The following MMP26 variants were observed in gnomAD, a reference collection of about 807,000 sequenced individuals.
MMP26 encodes matrix metalloproteinase-26.
Under a neutral mutation model 31.0 loss-of-function variants are expected in MMP26, and 33 were observed. The observed-to-expected ratio is 1.06, with a 90% confidence interval of 0.81 to 1.42. The LOEUF (loss-of-function observed/expected upper bound fraction) is 1.42. Among genes scored for constraint, MMP26 ranks in the 40% most tolerant of loss-of-function variants. The probability of loss-of-function intolerance (pLI) is 0.00; values close to 1 mark genes in which losing one functional copy is unlikely to be tolerated. For synonymous variants in MMP26, 122 were observed against 114.9 expected (o/e 1.06, Z -0.40); for missense variants, 347 against 316.1 (o/e 1.10, Z -0.74).
chr11:4,986,922 T>TCTCTCTCC lies in MMP26; in HGVS notation c.-144-1139_-144-1138insCCTCTCTC, dbSNP rs1846901154. On this transcript the variant is annotated intron_variant, in intron 2 of 7. Coordinates refer to ENST00000380390, the MANE Select transcript of MMP26 (RefSeq NM_021801.5). ...TCCTTCCTTTCTCTCTCTCTCTCTC[T>TCTCTCTCC]CTCTCTCTCCCTCTCTCTCTCTCTC... 1.1e-4 allele frequency among the ~76,000 whole-genome samples: 12 copies of TCTCTCTCC among 109,766 alleles called. 1 individual carries two copies. The highest frequency in any genetic ancestry group is 3.7e-4 in the African/African-American group (11 of 29,352). The allele number at this position is 109,766 out of a possible 152,430, so 72.0% of individuals were successfully genotyped here.
At chr11:4,922,188 G>A (rs1468704513) in intron 2 of MMP26, among the ~76,000 whole-genome samples, 1 of 152,114 alleles carries the variant, frequency 6.6e-6, no homozygotes, top group Non-Finnish European at 1.5e-5. Flanking sequence ...TTTTAGTGTA[G>A]GTAACTTGCT....
chr11:4,837,665 T>C (rs1267204539), intron 2 of MMP26, among the ~76,000 whole-genome samples: 1 of 152,164 alleles, frequency 6.6e-6, no homozygotes, highest in East Asian at 1.9e-4. Flanking sequence ...AATTCTAACT[T>C]ATTTTAAAGT....
chr11:4,911,869 T>C (rs193193339), intron 2 of MMP26, among the ~76,000 whole-genome samples: 1 of 152,324 alleles, frequency 6.6e-6, no homozygotes, highest in African/African-American at 2.4e-5. Flanking sequence ...ACAGGTTTTG[T>C]TATCCTTTTG....
In MMP26 at chr11:4,879,661, C is replaced by T. The variant is rs529865254; in HGVS notation, c.-144-108407C>T. ...ACTCATAAGGTTGATTAAGACAATG[C>T]GTTTGAAAGATATAGTTTCTGAAGC... On this transcript the variant is annotated intron_variant, in intron 2 of 7. Coordinates refer to ENST00000380390, the MANE Select transcript of MMP26 (RefSeq NM_021801.5). Among the ~76,000 whole-genome samples the T allele has an allele frequency of 9.9e-5, 15 of 152,124 alleles. No individual in the cohort carries two copies. The East Asian group carries it at 1.2e-3, about 12-fold the overall frequency.
At position 4,987,241 on chromosome 11, in the gene MMP26, T is replaced by A. The variant is rs1367566356; in HGVS notation, c.-144-827T>A. ...TTTTGCTGTGAGATATATATGTATA[T>A]GTATCTATACATATACATAAACATG... On this transcript the variant is annotated intron_variant, in intron 2 of 7. Transcript: ENST00000380390. Among the ~76,000 whole-genome samples the A allele has an allele frequency of 2.0e-5, 3 of 152,004 alleles. No individual in the cohort carries two copies. The East Asian group carries it at 5.8e-4, about 29-fold the overall frequency.
intron 2 of MMP26, among the ~76,000 whole-genome samples, chr11:4,926,130 C>T (rs571459252): frequency 2.6e-5 from 4 of 152,054 alleles, no homozygotes; most frequent in African/African-American, 7.2e-5. Flanking sequence ...TAGCTTTTGC[C>T]ACTCACATTT....
At chr11:4,848,163 C>T (rs1849901662) in intron 2 of MMP26, 3 of 1,458,346 alleles carry the variant, frequency 2.1e-6, no homozygotes, top group African/African-American at 2.8e-5. Flanking sequence ...TCATTTCATG[C>T]TTGGTGAGCT....
intron 1 of MMP26, among the ~76,000 whole-genome samples, chr11:4,727,299 T>A (rs1022736140): frequency 3.9e-5 from 6 of 152,236 alleles, no homozygotes; most frequent in African/African-American, 1.4e-4. Flanking sequence ...CTTCTTTCTT[T>A]CAATCAGATG....
intron 1 of MMP26, among the ~76,000 whole-genome samples, chr11:4,731,515 C>T (rs1848173681): frequency 6.6e-6 from 1 of 152,160 alleles, no homozygotes; most frequent in Admixed American, 6.5e-5. Flanking sequence ...CTGTCTGTAC[C>T]CTGACATGTA....
intron 2 of MMP26, among the ~76,000 whole-genome samples, chr11:4,962,675 G>A (rs1240115666): frequency 6.6e-6 from 1 of 152,140 alleles, no homozygotes; most frequent in Non-Finnish European, 1.5e-5. Context: ...TAGTAATTCG[G>A]GTTTAGCACT....
intron 2 of MMP26, among the ~76,000 whole-genome samples, chr11:4,941,506 T>C (rs1351529788): frequency 6.6e-6 from 1 of 152,196 alleles, no homozygotes; most frequent in African/African-American, 2.4e-5. Flanking sequence ...TCTTAAACTT[T>C]AATGTGCAAA....
chr11:4,876,817 A>C (rs1850385683), intron 2 of MMP26: 1 of 152,816 alleles, frequency 6.5e-6, no homozygotes, highest in Non-Finnish European at 1.5e-5. Flanking sequence ...GTCAGTGTTC[A>C]CTGGTTCAAC....
intron 2 of MMP26, chr11:4,849,113 G>A (rs143178206): frequency 5.8e-5 from 93 of 1,614,026 alleles, no homozygotes; most frequent in Non-Finnish European, 7.5e-5. Flanking sequence ...TCCACCAGGA[G>A]GGTGCACCTG....
At chr11:4,793,452 A>G (rs1849060032) in intron 2 of MMP26, among the ~76,000 whole-genome samples, 1 of 152,220 alleles carries the variant, frequency 6.6e-6, no homozygotes, top group Non-Finnish European at 1.5e-5. Context: ...TGAAGAGTCA[A>G]GGTAGTCTTA....
intron 2 of MMP26, chr11:4,912,576 A>C (rs761379386): frequency 6.6e-6 from 1 of 152,164 alleles, no homozygotes; most frequent in Non-Finnish European, 1.5e-5. Context: ...TGCTGTGTAC[A>C]ACTAATCATA....
chr11:4,773,700 C>T (rs1004776683), intron 2 of MMP26, among the ~76,000 whole-genome samples: 38 of 151,074 alleles, frequency 2.5e-4, no homozygotes, highest in African/African-American at 8.1e-4. Context: ...TAAACATGTG[C>T]CATGGTGGTT....
chr11:4,814,390 A>T (rs1849393364), intron 2 of MMP26, among the ~76,000 whole-genome samples: 1 of 152,202 alleles, frequency 6.6e-6, no homozygotes, highest in Non-Finnish European at 1.5e-5. Context: ...CACTTAAGCA[A>T]TAGAATACTA....
chr11:4,724,062 C>A, intron 1 of MMP26: 1 of 655,896 alleles, frequency 1.5e-6, no homozygotes, highest in South Asian at 1.7e-5. Context: ...TGGGGAAAAG[C>A]TTGAGGAGCT....
chr11:4,890,386 A>C (rs1185684178), intron 2 of MMP26: 1 of 175,096 alleles, frequency 5.7e-6, no homozygotes, highest in East Asian at 1.4e-4. Flanking sequence ...CCCAGATCAG[A>C]GACAGCCAAC....
Sources: gnomAD v4.1 joint callset for allele counts (sites outside exome capture counted in the v4.1 genomes callset) on GRCh38, gnomAD v4.1.1 for gene constraint, MANE v1.5 for transcripts, NCBI Gene and HGNC (gene_info 2026-07-23, HGNC 2026-07-21) for gene names.